The following EYS variants were observed in gnomAD, a reference collection of about 807,000 sequenced individuals.
The protein encoded by EYS is protein eyes shut homolog.
EYS carries 250 observed loss-of-function variants against 282.1 expected under a neutral mutation model. That is an observed-to-expected ratio of 0.89 (90% confidence interval 0.80 to 0.98). The LOEUF (loss-of-function observed/expected upper bound fraction) is 0.98, where lower values mean the gene tolerates loss of function less well. Among genes scored for constraint, EYS ranks in the 50% least tolerant of loss-of-function variants. The pLI, the probability that EYS is intolerant of heterozygous loss-of-function variation, is 0.00. For synonymous variants in EYS, 1,355 were observed against 1,282.9 expected (o/e 1.06, Z -1.20); for missense variants, 4,016 against 3,709.0 (o/e 1.08, Z -2.15).
intron 33 of EYS, among the ~76,000 whole-genome samples, chr6:64,029,678 T>C (rs1272144226): frequency 6.6e-6 from 1 of 152,190 alleles, no homozygotes; most frequent in Admixed American, 6.5e-5. Context: ...CTGATGGAAG[T>C]TCATTTGTGG....
chr6:65,652,150 T>C (rs1356342941), intron 1 of EYS, among the ~76,000 whole-genome samples: 1 of 151,806 alleles, frequency 6.6e-6, no homozygotes, highest in African/African-American at 2.4e-5. Flanking sequence ...GGAAGGAAAA[T>C]GATAAATGAA....
intron 33 of EYS, among the ~76,000 whole-genome samples, chr6:64,053,883 A>G (rs898111526): frequency 1.3e-5 from 2 of 152,124 alleles, no homozygotes; most frequent in African/African-American, 2.4e-5. Context: ...TTTTATTTGT[A>G]TATTTGCATG....
intron 22 of EYS, among the ~76,000 whole-genome samples, chr6:64,793,667 G>C (rs958060443): frequency 6.6e-5 from 10 of 152,156 alleles, no homozygotes; most frequent in Non-Finnish European, 1.0e-4. Flanking sequence ...AAATATTCCA[G>C]TGAATATCAT....
intron 26 of EYS, 112 bp from the exon 27 acceptor site, chr6:64,439,464 T>C: frequency 1.6e-6 from 1 of 640,118 alleles, no homozygotes; most frequent in East Asian, 3.5e-5. Flanking sequence ...GTCTCTTTCC[T>C]GCCTCTTTCA....
chr6:65,432,373 G>T (rs1253465987), intron 5 of EYS, among the ~76,000 whole-genome samples: 1 of 151,838 alleles, frequency 6.6e-6, no homozygotes, highest in East Asian at 1.9e-4. Context: ...ACATACATAG[G>T]TACATACGTA....
chr6:64,488,343 A>T (rs549975493), intron 26 of EYS, among the ~76,000 whole-genome samples: 3 of 150,914 alleles, frequency 2.0e-5, no homozygotes, highest in Admixed American at 1.3e-4. Context: ...CAATCATACA[A>T]TTGCATGCTC....
chr6:64,927,658 C>T (rs1768562204), intron 15 of EYS, among the ~76,000 whole-genome samples: 1 of 151,998 alleles, frequency 6.6e-6, no homozygotes, highest in Non-Finnish European at 1.5e-5. Flanking sequence ...AATTCTATAT[C>T]TCTTCTGCTA....
chr6:64,579,954 AT>A (rs1238085545), intron 26 of EYS, among the ~76,000 whole-genome samples: 3 of 152,040 alleles, frequency 2.0e-5, no homozygotes, highest in Admixed American at 6.6e-5. Flanking sequence ...TAAGTTGATA[AT>A]TTATTGGGAT....
chr6:65,460,154 A>G lies in EYS; in HGVS notation c.862+30440T>C, dbSNP rs182838344. ...ACAGAATGGAGAGAGAAAAAATAAA[A>G]GGAAAGAGGAAATTATCCAGAGAGA... On this transcript the variant is annotated intron_variant, in intron 5 of 42. Transcript: ENST00000503581. Among the ~76,000 whole-genome samples, 634 of 150,518 alleles carry G rather than the reference A, an allele frequency of 4.2e-3. 2 individuals carry two copies. The highest frequency in any genetic ancestry group is 6.7e-3 in the Non-Finnish European group (449 of 67,422).
At chr6:64,022,049 T>C (rs1769217410) in intron 33 of EYS, among the ~76,000 whole-genome samples, 1 of 152,216 alleles carries the variant, frequency 6.6e-6, no homozygotes, top group Non-Finnish European at 1.5e-5. Flanking sequence ...TTTCCTTTTT[T>C]TCTGTTACAG....
chr6:64,831,318 C>T (rs769535694), intron 19 of EYS, among the ~76,000 whole-genome samples: 8 of 151,848 alleles, frequency 5.3e-5, no homozygotes, highest in East Asian at 1.9e-4. Context: ...AAAATATTGG[C>T]GGTATATATC....
chr6:65,431,321 C>T (rs537184638), intron 5 of EYS, among the ~76,000 whole-genome samples: 2 of 152,072 alleles, frequency 1.3e-5, no homozygotes, highest in African/African-American at 2.4e-5. Flanking sequence ...CTTCTCAATG[C>T]CCTTTGTGTC....
Position 64,077,004 on chromosome 6 carries a change from A to G in EYS, c.6571+4852T>C, listed in dbSNP as rs1771795622. Among the ~76,000 whole-genome samples the G allele has an allele frequency of 2.0e-5, 3 of 151,966 alleles. No individual in the cohort carries two copies. The South Asian group carries it at 6.2e-4, about 31-fold the overall frequency. Reference sequence around the variant, plus strand: ...ACATTGCCCAAAGAAAGCTATGCACATTTTAGGCACTCAGAATTTGTTGAA... The same window carrying G: ...ACATTGCCCAAAGAAAGCTATGCACGTTTTAGGCACTCAGAATTTGTTGAA... On this transcript the variant is annotated intron_variant, in intron 32 of 42. Coordinates refer to ENST00000503581, the MANE Select transcript of EYS (RefSeq NM_001142800.2).
At chr6:65,009,149 C>T (rs554249879) in intron 13 of EYS, among the ~76,000 whole-genome samples, 25 of 152,118 alleles carry the variant, frequency 1.6e-4, no homozygotes, top group East Asian at 3.9e-4. Flanking sequence ...ACAATATAGA[C>T]GAGCAAAGAA....
intron 1 of EYS, among the ~76,000 whole-genome samples, chr6:65,694,862 A>C (rs1470774349): frequency 2.0e-5 from 3 of 152,016 alleles, no homozygotes; most frequent in African/African-American, 7.2e-5. Context: ...CAAAGTGTTT[A>C]ATAATCTCAA....
chr6:64,294,807 C>T (rs890568786), intron 30 of EYS, among the ~76,000 whole-genome samples: 2 of 152,080 alleles, frequency 1.3e-5, no homozygotes, highest in Non-Finnish European at 2.9e-5. Context: ...TAAGATTATA[C>T]TTGAAACAGT....
intron 22 of EYS, among the ~76,000 whole-genome samples, chr6:64,633,374 T>G (rs796554431): frequency 6.6e-6 from 1 of 152,130 alleles, no homozygotes; most frequent in Non-Finnish European, 1.5e-5. Context: ...AAACATTGCT[T>G]TATATATTGA....
chr6:64,197,173 C>T (rs1306149089), intron 31 of EYS, among the ~76,000 whole-genome samples: 2 of 151,988 alleles, frequency 1.3e-5, no homozygotes, highest in Middle Eastern at 3.2e-3. Flanking sequence ...GGGCTGAAAA[C>T]CTATAAAGAC....
chr6:65,188,463 G>A (rs1765563814), intron 12 of EYS, among the ~76,000 whole-genome samples: 1 of 151,390 alleles, frequency 6.6e-6, no homozygotes, highest in African/African-American at 2.4e-5. Flanking sequence ...ATTCATGGTA[G>A]CTTAAATTTA....
Sources: gnomAD v4.1 joint callset for allele counts (sites outside exome capture counted in the v4.1 genomes callset) on GRCh38, gnomAD v4.1.1 for gene constraint, MANE v1.5 for transcripts, NCBI Gene and HGNC (gene_info 2026-07-23, HGNC 2026-07-21) for gene names.